The following TBX15 variants were observed in gnomAD, a reference collection of about 807,000 sequenced individuals.
The protein encoded by TBX15 is T-box transcription factor TBX15.
In TBX15, 18 loss-of-function variants were observed where a neutral mutation model predicts 53.9. The observed-to-expected ratio is 0.33, with a 90% confidence interval of 0.23 to 0.49. The LOEUF is 0.49. TBX15 is among the 20% of genes least tolerant of loss of function. The pLI, the probability that TBX15 is intolerant of heterozygous loss-of-function variation, is 0.98. For missense variants in TBX15, 692 were observed against 749.5 expected (o/e 0.92, Z 0.90); for synonymous variants, 295 against 278.0 (o/e 1.06, Z -0.61).
intron 1 of TBX15, among the ~76,000 whole-genome samples, chr1:118,959,166 A>G (rs1022086709): frequency 6.6e-6 from 1 of 152,184 alleles, no homozygotes; most frequent in Non-Finnish European, 1.5e-5. Flanking sequence ...AATGTCAACA[A>G]TTAAGGCCTC....
intron 2 of TBX15, among the ~76,000 whole-genome samples, chr1:118,930,601 A>C (rs1417528868): frequency 6.6e-6 from 1 of 152,212 alleles, no homozygotes; most frequent in African/African-American, 2.4e-5. Context: ...ACTTTAAAAG[A>C]GACAGGGTTT....
intron 7 of TBX15, among the ~76,000 whole-genome samples, chr1:118,888,257 G>A (rs1654018144): frequency 6.6e-6 from 1 of 152,158 alleles, no homozygotes; most frequent in Non-Finnish European, 1.5e-5. Flanking sequence ...ATTCTCATTA[G>A]CTGTGAAATC....
intron 7 of TBX15, among the ~76,000 whole-genome samples, chr1:118,896,745 G>A (rs148311713): frequency 2.6e-5 from 4 of 152,296 alleles, no homozygotes; most frequent in African/African-American, 9.6e-5. Flanking sequence ...ATGCATGGCT[G>A]TGTCTCTTCT....
At position 118,915,702 on chromosome 1, in the gene TBX15, G is replaced by A. The variant is rs114594861; in HGVS notation, c.862-1523C>T. On this transcript the variant is annotated intron_variant, in intron 5 of 7. Coordinates refer to ENST00000369429, the MANE Select transcript of TBX15 (RefSeq NM_001330677.2). ...TCCATAATCCACAGCAATAAACCAT[G>A]CACCATATTTTCTTTTCAAGTTGGA... Among the ~76,000 whole-genome samples the A allele has an allele frequency of 3.1e-3, 471 of 152,212 alleles. 1 individual carries two copies. Among genetic ancestry groups the A allele is most frequent in the Non-Finnish European group, 4.3e-3 (291 of 68,020 alleles).
chr1:118,948,894 C>T (rs969962435), intron 1 of TBX15, among the ~76,000 whole-genome samples: 6 of 152,162 alleles, frequency 3.9e-5, no homozygotes, highest in Admixed American at 3.3e-4. Context: ...GAAGAAAAAA[C>T]GCAACATGTT....
chr1:118,943,105 A>G (rs1656239263), intron 1 of TBX15, among the ~76,000 whole-genome samples: 1 of 152,206 alleles, frequency 6.6e-6, no homozygotes, highest in Non-Finnish European at 1.5e-5. Context: ...AGTGGATACC[A>G]TGTGTCTCAG....
chr1:118,943,683 A>T (rs1656257044), intron 1 of TBX15, among the ~76,000 whole-genome samples: 1 of 152,190 alleles, frequency 6.6e-6, no homozygotes, highest in Non-Finnish European at 1.5e-5. Flanking sequence ...AGAGGTGGAA[A>T]TGACAGGGCA....
At chr1:118,988,580 T>G (rs1436174379), upstream of TBX15, among the ~76,000 whole-genome samples, 21 of 152,186 alleles carry the variant, frequency 1.4e-4, no homozygotes. Flanking sequence ...AGGTCTGATC[T>G]GCGCCTTTAC....
At chr1:118,922,303 A>T (rs1209155933) in intron 5 of TBX15, among the ~76,000 whole-genome samples, 1 of 152,184 alleles carries the variant, frequency 6.6e-6, no homozygotes, top group Non-Finnish European at 1.5e-5. Flanking sequence ...TTTGAGAGCC[A>T]TTGCAGCTCC....
chr1:118,954,562 A>AT (rs1426992843), intron 1 of TBX15, among the ~76,000 whole-genome samples: 4 of 152,240 alleles, frequency 2.6e-5, no homozygotes, highest in African/African-American at 9.6e-5. Flanking sequence ...AGAGATCCTG[A>AT]TTCAGGCACA....
rs939978935 is a variant in TBX15 at position 118,987,960 on chromosome 1, C to T, written c.-165G>A. On this transcript the variant is annotated 5_prime_UTR_variant, in exon 1 of 8. Coordinates refer to ENST00000369429, the MANE Select transcript of TBX15 (RefSeq NM_001330677.2). Reference sequence around the variant, plus strand: ...TCTCTCCACCCTCCCCCTGCGTCCTCCTCCGCCCTCCTCTGCCGGATCCGA... The same window carrying T: ...TCTCTCCACCCTCCCCCTGCGTCCTTCTCCGCCCTCCTCTGCCGGATCCGA... 54 of 798,144 alleles carry T rather than the reference C, an allele frequency of 6.8e-5. No individual in the cohort carries two copies. The highest frequency in any genetic ancestry group is 5.4e-4 in the African/African-American group (31 of 57,640). The allele number at this position is 798,144 out of a possible 1,614,324, so 49.4% of individuals were successfully genotyped here. A position where few individuals can be genotyped will look rare whatever the true frequency, so the allele number is the denominator to read the frequency against.
At chr1:118,902,672 G>A (rs975499705) in intron 6 of TBX15, among the ~76,000 whole-genome samples, 2 of 152,132 alleles carry the variant, frequency 1.3e-5, no homozygotes, top group East Asian at 3.9e-4. Flanking sequence ...AGAGAGGTTT[G>A]CATTTTCCTT....
Position 118,987,864 on chromosome 1 carries a change from T to A in TBX15, c.-69A>T. On this transcript the variant is annotated 5_prime_UTR_variant, in exon 1 of 8. Transcript: ENST00000369429. The stretch of plus-strand genomic sequence containing the variant: ...GGGAGCAGCCGGCGCCCTCAAGCTC[T>A]GAGCGCCCACCGGGCCCGGCCCGGG... The A allele has an allele frequency of 6.5e-7, 1 of 1,529,236 alleles. No individual in the cohort carries two copies. Among genetic ancestry groups the A allele is most frequent in the Non-Finnish European group, 8.8e-7 (1 of 1,135,736 alleles). The allele number at this position is 1,529,236 out of a possible 1,614,324, so 94.7% of individuals were successfully genotyped here.
At chr1:118,963,706 A>G (rs1656950663) in intron 1 of TBX15, among the ~76,000 whole-genome samples, 1 of 152,248 alleles carries the variant, frequency 6.6e-6, no homozygotes, top group Non-Finnish European at 1.5e-5. Context: ...ATTACAGACT[A>G]TTACATCAGT....
intron 1 of TBX15, among the ~76,000 whole-genome samples, chr1:118,933,380 C>T (rs2101617937): frequency 6.6e-6 from 1 of 152,134 alleles, no homozygotes; most frequent in South Asian, 2.1e-4. Flanking sequence ...AAGTTTCTGA[C>T]CAAAAACTTC....
intron 1 of TBX15, among the ~76,000 whole-genome samples, chr1:118,954,911 T>C (rs1367430932): frequency 6.6e-6 from 1 of 152,044 alleles, no homozygotes; most frequent in Admixed American, 6.5e-5. Context: ...ATCCCCACCA[T>C]AAAGAGGGAA....
intron 1 of TBX15, among the ~76,000 whole-genome samples, chr1:118,942,912 C>T (rs943250424): frequency 4.6e-5 from 7 of 152,200 alleles, no homozygotes; most frequent in Non-Finnish European, 1.0e-4. Flanking sequence ...AGAATGACTG[C>T]TGTGCTCACC....
At chr1:118,887,869 AG>A (rs1341912710) in intron 7 of TBX15, among the ~76,000 whole-genome samples, 1 of 152,202 alleles carries the variant, frequency 6.6e-6, no homozygotes, top group Non-Finnish European at 1.5e-5. Flanking sequence ...TGCTGGCTAT[AG>A]AAGTACAAAT....
At chr1:118,910,253 T>C (rs1654986620) in intron 6 of TBX15, among the ~76,000 whole-genome samples, 1 of 152,188 alleles carries the variant, frequency 6.6e-6, no homozygotes, top group Admixed American at 6.5e-5. Flanking sequence ...GGACAAGCAC[T>C]TTCCCTCCTA....
Sources: allele counts gnomAD v4.1 joint callset (sites outside exome capture counted in the v4.1 genomes callset), GRCh38; gene constraint gnomAD v4.1.1; transcripts MANE v1.5; gene names NCBI Gene and HGNC (gene_info 2026-07-23, HGNC 2026-07-21).